The following SNRPN variants were observed in gnomAD, a reference collection of about 807,000 sequenced individuals.
The protein encoded by SNRPN is small nuclear ribonucleoprotein polypeptide N, also known as small nuclear ribonucleoprotein-associated protein N.
In SNRPN, 7 loss-of-function variants were observed where a neutral mutation model predicts 25.2. That is an observed-to-expected ratio of 0.28 (90% CI 0.16 to 0.52). The LOEUF (loss-of-function observed/expected upper bound fraction) is 0.52. Ranked by LOEUF, SNRPN falls within the 20% of genes least tolerant of loss-of-function variation. SNRPN has a pLI of 0.96. For synonymous variants in SNRPN, 124 were observed against 110.6 expected, an observed-to-expected ratio of 1.12 and a Z score of -0.76; for missense variants, 196 against 322.5, an observed-to-expected ratio of 0.61 and a Z score of 3.00.
At chr15:24,828,542 G>A (rs57172404) in intron 1 of SNRPN, among the ~76,000 whole-genome samples, 16,358 of 151,922 alleles carry the variant, frequency 0.11, 1,066 homozygotes, top group South Asian at 0.24. Context: ...GCGAGACTCC[G>A]TCTCGAAAAA....
At chr15:24,939,190 T>C (rs1369677027) in intron 3 of SNRPN, among the ~76,000 whole-genome samples, 1 of 152,176 alleles carries the variant, frequency 6.6e-6, no homozygotes, top group African/African-American at 2.4e-5. Flanking sequence ...TTTCCATTCC[T>C]ACCAACATTA....
At chr15:24,955,879 C>T (rs1596153632) in intron 1 of SNRPN, among the ~76,000 whole-genome samples, 1 of 151,800 alleles carries the variant, frequency 6.6e-6, no homozygotes, top group Non-Finnish European at 1.5e-5. Flanking sequence ...GCCGCGGGGC[C>T]TGTCGCTGTC....
At chr15:24,889,779 G>C (rs1268624473) in intron 2 of SNRPN, among the ~76,000 whole-genome samples, 4 of 151,930 alleles carry the variant, frequency 2.6e-5, no homozygotes, top group Non-Finnish European at 5.9e-5. Flanking sequence ...GCTGGGTGTG[G>C]TGGCTCACGC....
chr15:24,918,520 A>ATGTGTATATATAACATAATATATATG (rs2059720057), intron 2 of SNRPN, among the ~76,000 whole-genome samples: 8 of 97,898 alleles, frequency 8.2e-5, no homozygotes, highest in Non-Finnish European at 1.6e-4. Flanking sequence ...TAATATATAT[A>ATGTGTATATATAACATAATATATATG]TGTGTATATA....
intron 2 of SNRPN, among the ~76,000 whole-genome samples, chr15:24,844,533 GT>G (rs11296380): frequency 0.14 from 21,498 of 150,810 alleles, 1,735 homozygotes; most frequent in African/African-American, 0.22. Context: ...CTTTTTTGTT[GT>G]TTTTTTTTGA....
rs78052502 is a variant in SNRPN at position 24,963,704 on chromosome 15, A to T, written c.-295+1495A>T. 5.8e-3 allele frequency among the ~76,000 whole-genome samples: 875 copies of T among 151,488 alleles called. 8 individuals carry two copies. The highest frequency in any genetic ancestry group is 0.019 in the African/African-American group (775 of 41,284). ...AGGTTTTTCCTCATAGTAAAAACTGAGTAGTAGTTTGTGTGTCTTTTGTTA... is the reference window on the plus strand; with the variant it reads ...AGGTTTTTCCTCATAGTAAAAACTGTGTAGTAGTTTGTGTGTCTTTTGTTA... On this transcript the variant is annotated intron_variant, in intron 2 of 9. Coordinates refer to ENST00000390687, the MANE Select transcript of SNRPN (RefSeq NM_003097.6).
At chr15:24,893,699 T>TAA (rs59839840) in intron 2 of SNRPN, among the ~76,000 whole-genome samples, 26 of 150,548 alleles carry the variant, frequency 1.7e-4, no homozygotes, top group African/African-American at 2.4e-4. Flanking sequence ...ACATTCCCAT[T>TAA]AAAAAAAAAT....
At chr15:24,952,080 C>T (rs2062326046), upstream of SNRPN, among the ~76,000 whole-genome samples, 1 of 151,886 alleles carries the variant, frequency 6.6e-6, no homozygotes, top group Non-Finnish European at 1.5e-5. Context: ...CATAAGTATA[C>T]ATGGAATATA....
At chr15:24,956,596 G>C (rs1046581711) in intron 1 of SNRPN, among the ~76,000 whole-genome samples, 1 of 152,210 alleles carries the variant, frequency 6.6e-6, no homozygotes, top group Admixed American at 6.5e-5. Context: ...GAGACGTGGG[G>C]CAGGGGAGCG....
chr15:24,909,095 G>A (rs1183832377), intron 2 of SNRPN: 2 of 1,387,894 alleles, frequency 1.4e-6, no homozygotes, highest in Admixed American at 1.7e-5. Flanking sequence ...AGCAGCATGA[G>A]CTTCCTTATA....
intron 2 of SNRPN, among the ~76,000 whole-genome samples, chr15:24,917,476 T>C (rs562520902): frequency 1.9e-4 from 29 of 152,374 alleles, no homozygotes; most frequent in Non-Finnish European, 3.4e-4. Context: ...CCAAGATTAC[T>C]GCATAAGGTT....
chr15:24,896,747 C>T (rs1566884846), intron 2 of SNRPN, among the ~76,000 whole-genome samples: 3 of 151,856 alleles, frequency 2.0e-5, no homozygotes, highest in African/African-American at 7.3e-5. Context: ...TCCCTGATGT[C>T]AGGGAAAATA....
At position 24,929,930 on chromosome 15, in the gene SNRPN, A is replaced by G. The variant is rs866018038; in HGVS notation, c.-391+9806A>G. 6.5e-4 allele frequency among the ~76,000 whole-genome samples: 99 copies of G among 152,184 alleles called. No homozygotes were observed. Among genetic ancestry groups the G allele is most frequent in the Middle Eastern group, 6.8e-3 (2 of 294 alleles). On this transcript the variant is annotated intron_variant, in intron 3 of 11. Transcript: ENST00000400097. This position sits in a 1 kb window ranked among gnomAD's most constrained non-coding sequence, Gnocchi z 5.3. ...TGGCCAGGCACGGTGGCTCACACCTATAATCCCAGCACTTTGGGAGGCCAA... is the reference window on the plus strand; with the variant it reads ...TGGCCAGGCACGGTGGCTCACACCTGTAATCCCAGCACTTTGGGAGGCCAA...
intron 3 of SNRPN, among the ~76,000 whole-genome samples, chr15:24,945,721 C>T (rs1003050181): frequency 6.6e-6 from 1 of 152,152 alleles, no homozygotes; most frequent in African/African-American, 2.4e-5. Flanking sequence ...AGAGTAGGTA[C>T]TTTCTTTTCT....
At chr15:24,863,151 G>C (rs1025830121) in intron 1 of SNRPN, among the ~76,000 whole-genome samples, 1 of 150,876 alleles carries the variant, frequency 6.6e-6, no homozygotes, top group African/African-American at 2.5e-5. Flanking sequence ...ATTACCAGGA[G>C]GGGTTGGTGT....
chr15:24,872,424 C>A (rs1380679887), intron 1 of SNRPN, among the ~76,000 whole-genome samples: 2 of 110,570 alleles, frequency 1.8e-5, no homozygotes, highest in Admixed American at 1.0e-4. Flanking sequence ...ACCTACCATA[C>A]CCAGTCAAAA....
In SNRPN at chr15:24,885,996, C is replaced by A. The variant is rs567563093; in HGVS notation, c.-578-520C>A. ...TGTTTCTGCATTCTCAGTACATAGCCTCACTTCTCTTTCTCCAATTTTGGA... is the reference window on the plus strand; with the variant it reads ...TGTTTCTGCATTCTCAGTACATAGCATCACTTCTCTTTCTCCAATTTTGGA... On this transcript the variant is annotated intron_variant, in intron 1 of 11. Transcript: ENST00000400097. Among the ~76,000 whole-genome samples, 4 of 152,254 alleles carry A rather than the reference C, an allele frequency of 2.6e-5. No individual in the cohort carries two copies. The South Asian group carries it at 8.3e-4, about 32-fold the overall frequency.
intron 1 of SNRPN, among the ~76,000 whole-genome samples, chr15:24,872,341 AT>A (rs2055231034): frequency 8.5e-6 from 1 of 117,216 alleles, no homozygotes; most frequent in Non-Finnish European, 1.9e-5. Context: ...CTAATTTTGT[AT>A]TTTTAGTAGA....
At chr15:24,885,944 TCATGGATC>T (rs2057169016) in intron 1 of SNRPN, among the ~76,000 whole-genome samples, 1 of 152,208 alleles carries the variant, frequency 6.6e-6, no homozygotes, top group Non-Finnish European at 1.5e-5. Context: ...AAGAATGTCC[TCATGGATC>T]CAGCATCCGT....
Sources: gnomAD v4.1 joint callset for allele counts (sites outside exome capture counted in the v4.1 genomes callset) on GRCh38, gnomAD v4.1.1 for gene constraint, Gnocchi (gnomAD v3.1) non-coding constraint, MANE v1.5 for transcripts, NCBI Gene and HGNC (gene_info 2026-07-23, HGNC 2026-07-21) for gene names.